The following H2BW2 variants were observed in gnomAD, a reference collection of about 807,000 sequenced individuals.
H2BW2 encodes histone H2B type F-M.
H2BW2 carries 8 observed loss-of-function variants against 9.2 expected under a neutral mutation model. The observed-to-expected ratio is 0.87, with a 90% CI of 0.51 to 1.57. The LOEUF (loss-of-function observed/expected upper bound fraction) is 1.57. Ranked by LOEUF, H2BW2 falls within the 40% of genes most tolerant of loss-of-function variation. The pLI, the probability that H2BW2 is intolerant of heterozygous loss-of-function variation, is 0.00. For synonymous variants in H2BW2, 80 were observed against 56.8 expected, an observed-to-expected ratio of 1.41 and a Z score of -1.84; for missense variants, 193 against 137.3, an observed-to-expected ratio of 1.41 and a Z score of -2.03.
rs1490440421 is a variant in H2BW2 at position 104,040,553 on chromosome X, C to G, written c.410+149C>G. The G allele has an allele frequency of 2.1e-5, 12 of 559,849 alleles. No homozygotes were observed. The Admixed American group carries it at 4.0e-4, about 19-fold the overall frequency. 46.1% of individuals were successfully genotyped at this position (559,849 alleles called of 1,213,427 possible). ...GGAGGTTGGTGTGGGTGGCACCGTTCCAGCTTGGGGGGCATGTGCCGTGTG... is the reference window on the plus strand; with the variant it reads ...GGAGGTTGGTGTGGGTGGCACCGTTGCAGCTTGGGGGGCATGTGCCGTGTG... On this transcript the variant is annotated intron_variant, in intron 1 of 3. Transcript: ENST00000675318.
chrX:104,040,790 C>A, intron 1 of H2BW2, 38 bp from the exon 2 acceptor site: 1 of 632,847 alleles, frequency 1.6e-6, no homozygotes, highest in Non-Finnish European at 2.7e-6. Context: ...ACCTTTTTCA[C>A]TCTCATTCTC....
chrX:104,041,479 G>A (rs2075204302), intron 3 of H2BW2: 1 of 112,593 alleles, frequency 8.9e-6, no homozygotes, highest in African/African-American at 3.2e-5. Flanking sequence ...TTATATTCAT[G>A]TTAATATTAA....
intron 1 of H2BW2, 95 bp from the exon 2 acceptor site, chrX:104,040,733 T>C: frequency 1.9e-6 from 1 of 533,798 alleles, no homozygotes; most frequent in Middle Eastern, 3.2e-4. Context: ...TTCTTAGTTA[T>C]CTTTCTAGGT....
At position 104,040,106 on chromosome X, in the gene H2BW2, T is replaced by G; in HGVS notation, c.112T>G (p.Ser38Ala). ...GCAGAAGAGGCGAGGGTGCCGAGGC[T>G]CCCGCAGGCGCCACGCCAACCGCCG... ...QKQKRRGCRGSRRRHANRRGD... is the reference protein window; with the variant it reads ...QKQKRRGCRGARRRHANRRGD... Residue 38 changes from serine to alanine, a missense_variant, in exon 1 of 4, where the codon TCC becomes GCC. Coordinates refer to ENST00000675318, the MANE Select transcript of H2BW2 (RefSeq NM_001388464.1). 1 of 1,167,704 alleles carries G rather than the reference T, an allele frequency of 8.6e-7. No individual in the cohort carries two copies. Among genetic ancestry groups the G allele is most frequent in the Non-Finnish European group, 1.1e-6 (1 of 873,530 alleles).
At chrX:104,040,962 T>C in intron 2 of H2BW2, 76 bp downstream of exon 2, 1 of 1,040,860 alleles carries the variant, frequency 9.6e-7, no homozygotes, top group Non-Finnish European at 1.3e-6. Context: ...CCAGTTACAG[T>C]ATATATATGG....
At position 104,040,354 on chromosome X, in the gene H2BW2, G is replaced by A. The variant is rs1407180806; in HGVS notation, c.360G>A (p.Pro120=). ...AGATGGCCGTGCGACTGCTGCTGCC[G>A]GGGAAGATGGGCAAGCTCGCCGAGG... ...DIQMAVRLLL[P]GKMGKLAEAQ... The change falls in exon 1 of 4, where the codon CCG becomes CCA. Residue 120 remains proline, a synonymous_variant. Coordinates refer to ENST00000675318, the MANE Select transcript of H2BW2 (RefSeq NM_001388464.1). The A allele has an allele frequency of 8.5e-6, 10 of 1,179,850 alleles. No homozygotes were observed. The highest frequency in any genetic ancestry group is 1.8e-5 in the African/African-American group (1 of 56,391).
Position 104,040,037 on chromosome X carries a change from A to G in H2BW2, c.43A>G (p.Ser15Gly), listed in dbSNP as rs1556343577. 4 of 1,166,002 alleles carry G rather than the reference A, an allele frequency of 3.4e-6. No homozygotes were observed. Among genetic ancestry groups the G allele is most frequent in the Non-Finnish European group, 4.6e-6 (4 of 872,359 alleles). The change falls in exon 1 of 4, where the codon AGC becomes GGC. Residue 15 changes from serine to glycine, a missense_variant. Physicochemically the swap from Ser to Gly is moderately conservative, Grantham distance 56. Transcript: ENST00000675318. ...SSETTSEEGQSIQEPKEANST... is the reference protein window; with the variant it reads ...SSETTSEEGQGIQEPKEANST... Reference sequence around the variant, plus strand: ...TGAGACAACCTCGGAGGAAGGCCAGAGCATCCAGGAGCCCAAAGAGGCCAA... The same window carrying G: ...TGAGACAACCTCGGAGGAAGGCCAGGGCATCCAGGAGCCCAAAGAGGCCAA...
At chrX:104,040,719 G>T (rs782055457) in intron 1 of H2BW2, 109 bp from the exon 2 acceptor site, 4 of 523,888 alleles carry the variant, frequency 7.6e-6, no homozygotes, top group Admixed American at 3.0e-5. Flanking sequence ...CCAAATGGCC[G>T]TTTTTCTTAG....
chrX:104,040,360 G>A lies in H2BW2; in HGVS notation c.366G>A (p.Lys122=), dbSNP rs1178633335. Residue 122 remains lysine, a synonymous_variant, in exon 1 of 4, where the codon AAG becomes AAA. Transcript: ENST00000675318. The stretch of plus-strand genomic sequence containing the variant: ...CCGTGCGACTGCTGCTGCCGGGGAA[G>A]ATGGGCAAGCTCGCCGAGGCCCAGG... ...QMAVRLLLPG[K]MGKLAEAQGT... The A allele has an allele frequency of 1.7e-6, 2 of 1,179,599 alleles. No homozygotes were observed. The highest frequency in any genetic ancestry group is 3.5e-5 in the African/African-American group (2 of 56,455).
intron 1 of H2BW2, 109 bp from the exon 2 acceptor site, chrX:104,040,719 G>A (rs782055457): frequency 2.9e-5 from 15 of 522,581 alleles, no homozygotes; most frequent in African/African-American, 2.1e-4. Context: ...CCAAATGGCC[G>A]TTTTTCTTAG....
intron 1 of H2BW2, 53 bp from the exon 2 acceptor site, chrX:104,040,775 T>A: frequency 1.7e-6 from 1 of 592,966 alleles, no homozygotes; most frequent in Non-Finnish European, 3.0e-6. Flanking sequence ...AATGTACTGA[T>A]GTTTACCTTT....
chrX:104,042,008 G>T (rs1433820258), intron 3 of H2BW2, 104 bp from the exon 4 acceptor site: 1 of 112,052 alleles, frequency 8.9e-6, no homozygotes, highest in Non-Finnish European at 1.9e-5. Context: ...GTGCAGATGG[G>T]AAGAGGGGAA....
In H2BW2 at chrX:104,041,067, T is replaced by C. The variant is rs2075202324; in HGVS notation, c.*23-21T>C. On this transcript the variant is annotated intron_variant, in intron 2 of 3. Transcript: ENST00000675318. ...TTCTCTTTTTGTACTGACAGTAATT[T>C]TTTCATTTCTTTTTGAACAGAAACC... 3 of 471,971 alleles carry C rather than the reference T, an allele frequency of 6.4e-6. No homozygotes were observed. In the Admixed American group the frequency reaches 1.2e-4, roughly 18 times the overall value. 38.9% of individuals were successfully genotyped at this position (471,971 alleles called of 1,213,427 possible).
At position 104,040,302 on chromosome X, in the gene H2BW2, G is replaced by A. The variant is rs189075902; in HGVS notation, c.308G>A (p.Arg103His). The A allele has an allele frequency of 9.6e-5, 115 of 1,195,707 alleles. No individual in the cohort carries two copies. The African/African-American group carries it at 1.6e-3, about 16-fold the overall frequency. The change falls in exon 1 of 4, where the codon CGC becomes CAC. Residue 103 changes from arginine to histidine, a missense_variant. By Grantham distance (29) the Arg-to-His change is conservative. Transcript: ENST00000675318. Reference protein sequence around the residue: ...EAGQLAHYTKRVTITSRDIQM... With the variant: ...EAGQLAHYTKHVTITSRDIQM... ...GGTCAGCTGGCCCATTACACCAAGC[G>A]CGTGACCATCACCTCCCGGGACATC...
chrX:104,040,203 G>C lies in H2BW2; in HGVS notation c.209G>C (p.Ser70Thr). ...CTGAAGCAGGTTCACCAGGGCCTCA[G>C]CCTTTCCCAGGAGGCCGTGAGTGTC... ...RVLKQVHQGL[S>T]LSQEAVSVMD... Residue 70 changes from serine to threonine, a missense_variant, in exon 1 of 4, where the codon AGC becomes ACC. Physicochemically the swap from Ser to Thr is moderately conservative, Grantham distance 58. Coordinates refer to ENST00000675318, the MANE Select transcript of H2BW2 (RefSeq NM_001388464.1). The C allele has an allele frequency of 8.4e-7, 1 of 1,192,694 alleles. No individual in the cohort carries two copies.
Position 104,040,068 on chromosome X carries a change from C to T in H2BW2, c.74C>T (p.Thr25Met), listed in dbSNP as rs373863467. ...CAGGAGCCCAAAGAGGCCAACTCCA[C>T]GAAGGCCCAGAAGCAGAAGAGGCGA... is the stretch of plus-strand genomic sequence containing the variant. ...SIQEPKEANS[T>M]KAQKQKRRGC... Residue 25 changes from threonine (T) to methionine (M), a missense_variant, in exon 1 of 4, where the codon ACG (threonine) becomes ATG (methionine). Coordinates refer to ENST00000675318, the MANE Select transcript of H2BW2 (RefSeq NM_001388464.1). 7.6e-5 allele frequency: 89 copies of T among 1,163,623 alleles called. 2 individuals are homozygous for T. Among genetic ancestry groups the T allele is most frequent in the Middle Eastern group, 4.7e-4 (2 of 4,300 alleles).
chrX:104,040,800 C>T (rs1556344187), intron 1 of H2BW2, 28 bp from the exon 2 acceptor site: 1 of 663,176 alleles, frequency 1.5e-6, no homozygotes, highest in East Asian at 3.2e-5. Flanking sequence ...CTCTCATTCT[C>T]CTACGACTGG....
chrX:104,040,024 G>C lies in H2BW2; in HGVS notation c.30G>C (p.Ser10=), dbSNP rs782508852. 3 of 1,162,939 alleles carry C rather than the reference G, an allele frequency of 2.6e-6. No individual in the cohort carries two copies. The African/African-American group carries it at 5.4e-5, about 21-fold the overall frequency. Residue 10 remains serine, a synonymous_variant, in exon 1 of 4, where the codon TCG becomes TCC. Coordinates refer to ENST00000675318, the MANE Select transcript of H2BW2 (RefSeq NM_001388464.1). The stretch of plus-strand genomic sequence containing the variant: ...CTGAGGCTTCCTCTGAGACAACCTC[G>C]GAGGAAGGCCAGAGCATCCAGGAGC... MAEASSETT[S]EEGQSIQEPK...
In H2BW2 at chrX:104,039,956, ACT is replaced by A. The variant is rs2075195002; in HGVS notation, c.-34_-33del. 1 of 1,125,679 alleles carries A rather than the reference ACT, an allele frequency of 8.9e-7. No individual in the cohort carries two copies. Among genetic ancestry groups the A allele is most frequent in the Non-Finnish European group, 1.2e-6 (1 of 851,799 alleles). 92.8% of individuals were successfully genotyped at this position (1,125,679 alleles called of 1,213,427 possible). ...CCCACTTCCCTGGTCCCCAACCGTC[ACT>A]CTCTGTTCTTGCTATCTAATGGCCG... On this transcript the variant is annotated 5_prime_UTR_variant, in exon 1 of 4. Coordinates refer to ENST00000675318, the MANE Select transcript of H2BW2 (RefSeq NM_001388464.1).
Sources: allele counts gnomAD v4.1 joint callset, GRCh38; gene constraint gnomAD v4.1.1; transcripts MANE v1.5; gene names NCBI Gene and HGNC (gene_info 2026-07-23, HGNC 2026-07-21).